SI: variants seen among roughly 807,000 people sequenced by gnomAD.
SI encodes sucrase-isomaltase.
A neutral mutation model predicts 253.3 loss-of-function variants in SI; 235 were observed. That is an observed-to-expected ratio of 0.93 (90% CI 0.83 to 1.03). The LOEUF is 1.03. Ranked by LOEUF, SI falls within the 50% of genes least tolerant of loss-of-function variation. The pLI is 0.00. For synonymous variants in SI, 819 were observed against 712.0 expected (o/e 1.15, Z -2.39); for missense variants, 2,442 against 2,211.1 (o/e 1.10, Z -2.09).
At chr3:165,071,960 C>G (rs9812016) in intron 3 of SI, among the ~76,000 whole-genome samples, 88,750 of 151,940 alleles carry the variant, frequency 0.58, 26,296 homozygotes, top group East Asian at 0.81. Context: ...TGGAATTATG[C>G]CTGTTACCTA....
chr3:164,996,071 C>A lies in SI; in HGVS notation c.4692+464G>T, dbSNP rs908361007. Among the ~76,000 whole-genome samples, 3 of 151,872 alleles carry A rather than the reference C, an allele frequency of 2.0e-5. No homozygotes were observed. The Admixed American group carries it at 2.0e-4, about 10-fold the overall frequency. On this transcript the variant is annotated intron_variant, in intron 40 of 47. Transcript: ENST00000264382. ...AAATTCTTTCAAACGTGGTTCCGTT[C>A]TGCCTACAATCCTTGTATTTCAGCA... is the stretch of plus-strand genomic sequence containing the variant.
At chr3:165,075,747 A>C (rs1576928932) in intron 2 of SI, 148 bp downstream of exon 2, 1 of 559,054 alleles carries the variant, frequency 1.8e-6, no homozygotes, top group East Asian at 2.8e-5. Flanking sequence ...AATGAATAGA[A>C]AAAGTGGAAG....
Position 165,003,615 on chromosome 3 carries a change from T to C in SI, c.4406+3201A>G, listed in dbSNP as rs193145413. 5.9e-3 allele frequency among the ~76,000 whole-genome samples: 904 copies of C among 152,240 alleles called. 7 individuals carry two copies. The highest frequency in any genetic ancestry group is 0.02 in the Middle Eastern group (6 of 294). On this transcript the variant is annotated intron_variant, in intron 37 of 47. Transcript: ENST00000264382. ...AGCGAGAAATTTTATCCATACTCTT[T>C]ACTTCAAAATGCTTTTTATTCTTTT...
At chr3:165,042,883 A>T (rs1044242260) in intron 17 of SI, among the ~76,000 whole-genome samples, 176 bp downstream of exon 17, 2 of 152,192 alleles carry the variant, frequency 1.3e-5, no homozygotes, top group Admixed American at 1.3e-4. Flanking sequence ...ACCGTTTTTT[A>T]AAAAATGTAA....
In SI at chr3:165,062,440, G is replaced by A. The variant is rs144637860; in HGVS notation, c.951C>T (p.Thr317=). The A allele has an allele frequency of 2.7e-5, 44 of 1,605,078 alleles. No homozygotes were observed. Among genetic ancestry groups the A allele is most frequent in the African/African-American group, 1.9e-4 (14 of 74,692 alleles). ...QPTPIVTYRV[T]GGILDFYILL... is the part of the protein sequence containing the mutation. ...GGATGTAAAAATCCAGAATGCCACC[G>A]GTAACTCTATATGTTACTATTGGAG... Residue 317 remains threonine (T), a synonymous_variant, in exon 9 of 48, where the codon ACC becomes ACT. Transcript: ENST00000264382.
chr3:165,036,218 A>T (rs1175720535), intron 22 of SI, among the ~76,000 whole-genome samples, 171 bp downstream of exon 22: 1 of 151,942 alleles, frequency 6.6e-6, no homozygotes, highest in African/African-American at 2.4e-5. Flanking sequence ...GATAAAGCAA[A>T]TAACAATGTT....
At position 164,991,412 on chromosome 3, in the gene SI, T is replaced by C. The variant is rs199658617; in HGVS notation, c.5049A>G (p.Leu1683=). The part of the protein sequence containing the change: ...TFNASYDTIN[L]HVRGGHILPC... ...GTAGGATGTGACCACCACGGACATG[T>C]AGGTTTATTGTGTCATAAGAAGCAT... The change falls in exon 44 of 48, where the codon CTA becomes CTG. Residue 1683 remains leucine (L), a synonymous_variant. Coordinates refer to ENST00000264382, the MANE Select transcript of SI (RefSeq NM_001041.4). 2.0e-4 allele frequency: 315 copies of C among 1,613,526 alleles called. No homozygotes were observed. The highest frequency in any genetic ancestry group is 2.6e-4 in the Non-Finnish European group (307 of 1,179,538).
At chr3:164,982,064 A>G (rs781316817) in intron 47 of SI, among the ~76,000 whole-genome samples, 179 bp downstream of exon 47, 4 of 152,164 alleles carry the variant, frequency 2.6e-5, no homozygotes, top group Non-Finnish European at 2.9e-5. Flanking sequence ...ATTGATTTGT[A>G]TGACAGTTTA....
At chr3:165,015,572 A>C (rs1294778708) in intron 32 of SI, among the ~76,000 whole-genome samples, 3 of 152,134 alleles carry the variant, frequency 2.0e-5, no homozygotes, top group Non-Finnish European at 4.4e-5. Context: ...ACCAATCTGA[A>C]GGCAAGTTTT....
intron 16 of SI, among the ~76,000 whole-genome samples, chr3:165,045,306 T>A (rs111361703): frequency 3.3e-5 from 5 of 152,216 alleles, no homozygotes; most frequent in African/African-American, 1.2e-4. Flanking sequence ...TTCTTATTAT[T>A]GAACAGGGTA....
chr3:165,051,173 A>G (rs1173020571), intron 13 of SI, among the ~76,000 whole-genome samples: 4 of 152,094 alleles, frequency 2.6e-5, no homozygotes, highest in East Asian at 1.9e-4. Flanking sequence ...AGCACACTCA[A>G]TATGATTATT....
chr3:164,983,116 G>A (rs1717275206), intron 45 of SI, 65 bp from the exon 46 acceptor site: 5 of 1,440,370 alleles, frequency 3.5e-6, no homozygotes, highest in Non-Finnish European at 1.9e-6. Context: ...GTAAATACCT[G>A]TATACTTTGC....
At chr3:165,008,841 T>TA (rs764083237) in intron 35 of SI, among the ~76,000 whole-genome samples, 1 of 151,766 alleles carries the variant, frequency 6.6e-6, no homozygotes, top group Non-Finnish European at 1.5e-5. Context: ...TTATGCTATC[T>TA]AAAAAAATAT....
chr3:164,992,188 C>T lies in SI; in HGVS notation c.4972G>A (p.Asp1658Asn). The T allele has an allele frequency of 6.2e-7, 1 of 1,610,992 alleles. No individual in the cohort carries two copies. The highest frequency in any genetic ancestry group is 8.5e-7 in the Non-Finnish European group (1 of 1,178,886). The change falls in exon 43 of 48, where the codon GAC becomes AAC. Residue 1658 changes from aspartate to asparagine, a missense_variant. Asp to Asn is a conservative substitution (Grantham distance 23, BLOSUM62 1). Coordinates refer to ENST00000264382, the MANE Select transcript of SI (RefSeq NM_001041.4). Reference protein sequence around the residue: ...NAYVPNARWFDYHTGKDIGVR... With the variant: ...NAYVPNARWFNYHTGKDIGVR... ...CCTTAAATACTTACTGTATGGTAGTCAAACCACCGAGCATTGGGGACGTAG... is the reference window on the plus strand; with the variant it reads ...CCTTAAATACTTACTGTATGGTAGTTAAACCACCGAGCATTGGGGACGTAG...
chr3:165,065,348 A>G lies in SI; in HGVS notation c.720T>C (p.Gly240=), dbSNP rs760569974. ...STRLPSDYIY[G]IGEQVHKRFR... ...ATCTCTTATGAACTTGTTCTCCAATACCATAAATATAATCACTTGGAAGAC... is the reference window on the plus strand; with the variant it reads ...ATCTCTTATGAACTTGTTCTCCAATGCCATAAATATAATCACTTGGAAGAC... The change falls in exon 7 of 48, where the codon GGT becomes GGC. Residue 240 remains glycine (G), a synonymous_variant. Transcript: ENST00000264382. 3.6e-5 allele frequency: 58 copies of G among 1,597,174 alleles called. No homozygotes were observed. Among genetic ancestry groups the G allele is most frequent in the Non-Finnish European group, 4.6e-5 (54 of 1,166,252 alleles).
At chr3:165,066,360 G>C in intron 6 of SI, among the ~76,000 whole-genome samples, 1 of 151,772 alleles carries the variant, frequency 6.6e-6, no homozygotes, top group East Asian at 1.9e-4. Flanking sequence ...GTATTAATGG[G>C]ATACAATATG....
At chr3:165,085,710 C>A in the SI span, among the ~76,000 whole-genome samples, 2 of 152,104 alleles carry the variant, frequency 1.3e-5, no homozygotes, top group Non-Finnish European at 2.9e-5. Flanking sequence ...ATGCAAAAGT[C>A]TCAATTTATT....
At chr3:164,982,021 G>A (rs1022923431) in intron 47 of SI, among the ~76,000 whole-genome samples, 26 of 152,056 alleles carry the variant, frequency 1.7e-4, no homozygotes, top group African/African-American at 5.3e-4. Context: ...TGCTGTGATT[G>A]TATCATAATA....
intron 45 of SI, 83 bp from the exon 46 acceptor site, chr3:164,983,134 TC>T: frequency 7.5e-7 from 1 of 1,340,758 alleles, no homozygotes; most frequent in Non-Finnish European, 1.0e-6. Flanking sequence ...TGCTTCTCTT[TC>T]CCAGTATAAA....
Sources: gnomAD v4.1 joint callset for allele counts (sites outside exome capture counted in the v4.1 genomes callset) on GRCh38, gnomAD v4.1.1 for gene constraint, MANE v1.5 for transcripts, NCBI Gene and HGNC (gene_info 2026-07-23, HGNC 2026-07-21) for gene names.